PCLO: variants seen among roughly 807,000 people sequenced by gnomAD.
The protein encoded by PCLO is protein piccolo.
A neutral mutation model predicts 427.5 loss-of-function variants in PCLO; 82 were observed. The ratio of observed to expected loss-of-function variants is 0.19; its 90% CI spans 0.16 to 0.23. The LOEUF (loss-of-function observed/expected upper bound fraction) is 0.23. Among genes scored for constraint, PCLO ranks in the 10% least tolerant of loss-of-function variants. PCLO has a pLI of 1.00. For synonymous variants in PCLO, 2,357 were observed against 2,155.4 expected (o/e 1.09, Z -2.59); for missense variants, 6,239 against 6,115.9 (o/e 1.02, Z -0.67).
intron 3 of PCLO, among the ~76,000 whole-genome samples, chr7:83,025,494 T>G (rs2116091833): frequency 6.6e-6 from 1 of 151,972 alleles, no homozygotes; most frequent in Non-Finnish European, 1.5e-5. Flanking sequence ...TACCTGAAAG[T>G]GATGGGGAGA....
chr7:83,110,718 C>A (rs1258525478), intron 3 of PCLO, among the ~76,000 whole-genome samples: 3 of 152,148 alleles, frequency 2.0e-5, no homozygotes, highest in African/African-American at 7.2e-5. Flanking sequence ...ATTACTCCAA[C>A]TTTACTTGAT....
At chr7:82,975,664 G>A (rs985142405) in intron 3 of PCLO, among the ~76,000 whole-genome samples, 12 of 152,060 alleles carry the variant, frequency 7.9e-5, no homozygotes, top group South Asian at 2.1e-4. Context: ...AATGTTTCCC[G>A]TTACAGTGTA....
In PCLO at chr7:82,795,816, GT is replaced by G. The variant is rs1366263821; in HGVS notation, c.15007+5701del. ...TATTTGTGATATTTACACATCTTTTGTTAATTTTCTACATCTATACTAAGAA... is the reference window on the plus strand; with the variant it reads ...TATTTGTGATATTTACACATCTTTTGTAATTTTCTACATCTATACTAAGAA... On this transcript the variant is annotated intron_variant, in intron 22 of 24. Coordinates refer to ENST00000333891, the MANE Select transcript of PCLO (RefSeq NM_033026.6). Among the ~76,000 whole-genome samples the G allele has an allele frequency of 1.6e-4, 24 of 152,134 alleles. No individual in the cohort carries two copies. In the South Asian group the frequency reaches 5.0e-3, roughly 32 times the overall value.
intron 12 of PCLO, 95 bp downstream of exon 12, chr7:82,846,472 A>T (rs112095598): frequency 4.1e-6 from 1 of 243,004 alleles, no homozygotes; most frequent in Non-Finnish European, 6.9e-6. Flanking sequence ...ATCTGTGTTT[A>T]TGTCTACATC....
intron 3 of PCLO, among the ~76,000 whole-genome samples, chr7:83,114,982 A>AT (rs1417402582): frequency 6.6e-6 from 1 of 151,978 alleles, no homozygotes; most frequent in Non-Finnish European, 1.5e-5. Context: ...CATCAATGTG[A>AT]TTTTTTTAAA....
intron 6 of PCLO, among the ~76,000 whole-genome samples, chr7:82,941,738 A>G (rs981270676): frequency 5.3e-5 from 8 of 152,232 alleles, no homozygotes; most frequent in Admixed American, 6.5e-5. Context: ...GTGATGTCAC[A>G]TATCTTATAT....
intron 6 of PCLO, among the ~76,000 whole-genome samples, chr7:82,924,867 G>C (rs758751107): frequency 7.2e-5 from 11 of 151,920 alleles, no homozygotes; most frequent in Non-Finnish European, 1.2e-4. Context: ...AAAATAGATG[G>C]AAACATTTTT....
intron 21 of PCLO, among the ~76,000 whole-genome samples, chr7:82,803,998 T>A (rs1290042210): frequency 6.6e-6 from 1 of 152,138 alleles, no homozygotes; most frequent in Non-Finnish European, 1.5e-5. Flanking sequence ...AATGACATAT[T>A]TACTTTTTGG....
chr7:82,846,564 T>G lies in PCLO; in HGVS notation c.13831+3A>C, dbSNP rs774745796. The G allele has an allele frequency of 1.3e-6, 2 of 1,594,504 alleles. No individual in the cohort carries two copies. Among genetic ancestry groups the G allele is most frequent in the Admixed American group, 3.4e-5 (2 of 59,200 alleles). On this transcript the variant is annotated splice_donor_region_variant and intron_variant, in intron 12 of 24. Transcript: ENST00000333891. ...CAGTTGAAACTAGATTTCTTTTACC[T>G]ACCAGCTTTTGGTGGCTCATGAAGT...
chr7:83,134,818 C>G lies in PCLO; in HGVS notation c.2732G>C (p.Ser911Thr). ...CTGTGATTTGGGGGCATCAGTAATACTTCCCAGATTCAGACTGAAACGCCT... is the reference window on the plus strand; with the variant it reads ...CTGTGATTTGGGGGCATCAGTAATAGTTCCCAGATTCAGACTGAAACGCCT... ...QSRRFSLNLGSITDAPKSQPT... is the reference protein window; with the variant it reads ...QSRRFSLNLGTITDAPKSQPT... The change falls in exon 3 of 25, where the codon AGT becomes ACT. Residue 911 changes from serine (S) to threonine (T), a missense_variant. Ser to Thr is a moderately conservative substitution (Grantham distance 58). Around this residue, in one of 5 missense-constraint regions of PCLO, gnomAD observed 4,677 missense variants for 4,468.4 expected, o/e 1.05. Coordinates refer to ENST00000333891, the MANE Select transcript of PCLO (RefSeq NM_033026.6). 1 of 1,613,618 alleles carries G rather than the reference C, an allele frequency of 6.2e-7. No individual in the cohort carries two copies. The highest frequency in any genetic ancestry group is 8.5e-7 in the Non-Finnish European group (1 of 1,179,704).
chr7:83,041,220 T>C (rs1788965362), intron 3 of PCLO, among the ~76,000 whole-genome samples: 1 of 152,064 alleles, frequency 6.6e-6, no homozygotes, highest in Non-Finnish European at 1.5e-5. Context: ...TGAGGCAATA[T>C]GAATTATATA....
At chr7:83,116,982 T>C (rs1245000803) in intron 3 of PCLO, among the ~76,000 whole-genome samples, 1 of 152,188 alleles carries the variant, frequency 6.6e-6, no homozygotes, top group Non-Finnish European at 1.5e-5. Context: ...GTGGTATGTA[T>C]AGACAATGGA....
chr7:82,833,774 A>C (rs1402726277), intron 16 of PCLO, among the ~76,000 whole-genome samples: 1 of 152,124 alleles, frequency 6.6e-6, no homozygotes, highest in East Asian at 1.9e-4. Flanking sequence ...AACAACTACT[A>C]TTGATTGAAA....
chr7:83,149,488 T>C (rs1394386875), intron 2 of PCLO, among the ~76,000 whole-genome samples: 1 of 152,198 alleles, frequency 6.6e-6, no homozygotes, highest in Non-Finnish European at 1.5e-5. Context: ...ATTTGTGTGC[T>C]CAGTCCTCCT....
chr7:82,987,865 A>C (rs1210540803), intron 3 of PCLO, among the ~76,000 whole-genome samples: 2 of 152,136 alleles, frequency 1.3e-5, no homozygotes, highest in African/African-American at 2.4e-5. Context: ...TTAACACAGA[A>C]CAAGAGTTAA....
chr7:82,983,245 T>C lies in PCLO; in HGVS notation c.3301-16758A>G, dbSNP rs545592537. On this transcript the variant is annotated intron_variant, in intron 3 of 24. Coordinates refer to ENST00000333891, the MANE Select transcript of PCLO (RefSeq NM_033026.6). ...TCTATATTGTTAAGTTTTAAGGCAA[T>C]CAATCCTAAAACTATTTTTTAATTT... Among the ~76,000 whole-genome samples, 542 of 151,358 alleles carry C rather than the reference T, an allele frequency of 3.6e-3. 5 individuals carry two copies. The highest frequency in any genetic ancestry group is 0.013 in the African/African-American group (521 of 41,480).
chr7:83,099,396 T>A (rs1184655254), intron 3 of PCLO, among the ~76,000 whole-genome samples: 2 of 151,360 alleles, frequency 1.3e-5, no homozygotes, highest in Non-Finnish European at 2.9e-5. Flanking sequence ...TTTTTGTTTT[T>A]TTTTTTTTTG....
intron 3 of PCLO, among the ~76,000 whole-genome samples, chr7:83,045,941 T>A (rs1408379726): frequency 6.6e-6 from 1 of 152,046 alleles, no homozygotes; most frequent in Non-Finnish European, 1.5e-5. Context: ...AACTGAAATT[T>A]ATTTTCTCAT....
At chr7:82,771,073 A>T (rs6971692) in intron 22 of PCLO, among the ~76,000 whole-genome samples, 9,640 of 151,954 alleles carry the variant, frequency 0.063, 714 homozygotes, top group African/African-American at 0.18. Context: ...AGCAGAATGT[A>T]ACTATTTTAT....
Sources: allele counts gnomAD v4.1 joint callset (sites outside exome capture counted in the v4.1 genomes callset), GRCh38; gene constraint gnomAD v4.1.1; regional missense constraint gnomAD v4.1.1; transcripts MANE v1.5; gene names NCBI Gene and HGNC (gene_info 2026-07-23, HGNC 2026-07-21).